Variants in KCTD8 observed in about 807,000 individuals in gnomAD.
KCTD8 encodes the protein potassium channel tetramerization domain containing 8, also known as BTB/POZ domain-containing protein KCTD8.
A neutral mutation model predicts 31.5 loss-of-function variants in KCTD8; 27 were observed. The ratio of observed to expected loss-of-function variants is 0.86; its 90% confidence interval spans 0.63 to 1.18. The LOEUF (loss-of-function observed/expected upper bound fraction) is 1.18. Among genes scored for constraint, KCTD8 ranks in the 50% most tolerant of loss-of-function variants. The probability of loss-of-function intolerance (pLI) is 0.00; values close to 1 mark genes in which losing one functional copy is unlikely to be tolerated. For missense variants in KCTD8, 658 were observed against 647.7 expected, an observed-to-expected ratio of 1.02 and a Z score of -0.17; for synonymous variants, 290 against 280.0, an observed-to-expected ratio of 1.04 and a Z score of -0.36.
intron 1 of KCTD8, among the ~76,000 whole-genome samples, chr4:44,253,031 T>C (rs936261137): frequency 1.3e-5 from 2 of 151,774 alleles, no homozygotes; most frequent in African/African-American, 2.4e-5. Context: ...TTTTTTTTCC[T>C]GAAGGAGATT....
intron 1 of KCTD8, among the ~76,000 whole-genome samples, chr4:44,361,905 C>A (rs560679743): frequency 9.9e-5 from 15 of 152,134 alleles, no homozygotes; most frequent in African/African-American, 3.6e-4. Context: ...TAACTATTAT[C>A]CAAAGCAATA....
At chr4:44,261,411 G>A (rs1347698781) in intron 1 of KCTD8, among the ~76,000 whole-genome samples, 1 of 151,930 alleles carries the variant, frequency 6.6e-6, no homozygotes, top group Non-Finnish European at 1.5e-5. Flanking sequence ...CATGGGGATA[G>A]ATTTGGTCAC....
At chr4:44,274,814 C>T (rs1454037057) in intron 1 of KCTD8, among the ~76,000 whole-genome samples, 1 of 151,402 alleles carries the variant, frequency 6.6e-6, no homozygotes, top group Non-Finnish European at 1.5e-5. Flanking sequence ...TTAGATTGGC[C>T]AGGCAAATTG....
intron 1 of KCTD8, among the ~76,000 whole-genome samples, chr4:44,237,999 TC>T (rs1715341634): frequency 6.6e-6 from 1 of 152,140 alleles, no homozygotes; most frequent in African/African-American, 2.4e-5. Context: ...GAAGCAAACT[TC>T]CACTATATTT....
chr4:44,276,123 G>C (rs1001104772), intron 1 of KCTD8, among the ~76,000 whole-genome samples: 5 of 151,926 alleles, frequency 3.3e-5, no homozygotes, highest in African/African-American at 1.2e-4. Context: ...CAGACACATT[G>C]TCTGCAGACA....
chr4:44,405,808 C>T (rs1720779946), intron 1 of KCTD8, among the ~76,000 whole-genome samples: 1 of 130,754 alleles, frequency 7.6e-6, no homozygotes, highest in Admixed American at 8.1e-5. Context: ...AGGGCCTTGT[C>T]CTGTTTCTCA....
At chr4:44,297,782 C>A (rs1256978074) in intron 1 of KCTD8, among the ~76,000 whole-genome samples, 1 of 152,174 alleles carries the variant, frequency 6.6e-6, no homozygotes, top group African/African-American at 2.4e-5. Context: ...TACTACTCCA[C>A]AATGAATTTG....
At chr4:44,233,429 T>G (rs971464760) in intron 1 of KCTD8, among the ~76,000 whole-genome samples, 2 of 152,196 alleles carry the variant, frequency 1.3e-5, no homozygotes, top group African/African-American at 4.8e-5. Flanking sequence ...TTCATCTCAA[T>G]GATGCATGGT....
At chr4:44,213,024 G>C (rs1460124748) in intron 1 of KCTD8, among the ~76,000 whole-genome samples, 2 of 151,942 alleles carry the variant, frequency 1.3e-5, no homozygotes, top group South Asian at 4.2e-4. Flanking sequence ...TGCAAGCTCC[G>C]CTTCCCCTGT....
intron 1 of KCTD8, among the ~76,000 whole-genome samples, chr4:44,343,994 G>C (rs559447393): frequency 6.6e-6 from 1 of 151,564 alleles, no homozygotes; most frequent in African/African-American, 2.4e-5. Flanking sequence ...AGGTAGCGGG[G>C]ACTACAGGCA....
intron 1 of KCTD8, among the ~76,000 whole-genome samples, chr4:44,354,573 C>A (rs964796630): frequency 2.0e-5 from 3 of 152,116 alleles, no homozygotes; most frequent in Non-Finnish European, 2.9e-5. Flanking sequence ...TTAATACACT[C>A]ATTTTATCAA....
chr4:44,247,925 C>CA (rs1488213933), intron 1 of KCTD8, among the ~76,000 whole-genome samples: 1 of 151,818 alleles, frequency 6.6e-6, no homozygotes. Context: ...GACAGTTCCT[C>CA]AAAAAATTAA....
At chr4:44,244,860 G>A (rs969832319) in intron 1 of KCTD8, among the ~76,000 whole-genome samples, 1 of 129,462 alleles carries the variant, frequency 7.7e-6, no homozygotes, top group Non-Finnish European at 1.7e-5. Context: ...GGGGGGGGGG[G>A]TCTTCATTTT....
intron 1 of KCTD8, among the ~76,000 whole-genome samples, chr4:44,186,156 G>T (rs1577817291): frequency 6.6e-6 from 1 of 152,182 alleles, no homozygotes; most frequent in African/African-American, 2.4e-5. Context: ...AGAACACACT[G>T]GCAGAACAGC....
intron 1 of KCTD8, among the ~76,000 whole-genome samples, chr4:44,240,992 T>A (rs1474240773): frequency 6.6e-6 from 1 of 152,218 alleles, no homozygotes; most frequent in East Asian, 1.9e-4. Flanking sequence ...ACAGATGGTT[T>A]TGAGACCAAA....
intron 1 of KCTD8, among the ~76,000 whole-genome samples, chr4:44,295,755 AAAC>A (rs1717411430): frequency 6.6e-6 from 1 of 152,176 alleles, no homozygotes; most frequent in African/African-American, 2.4e-5. Flanking sequence ...TTCATGAACA[AAAC>A]ACCTCCCAGA....
At chr4:44,441,756 A>T (rs1721815826) in intron 1 of KCTD8, among the ~76,000 whole-genome samples, 1 of 152,228 alleles carries the variant, frequency 6.6e-6, no homozygotes, top group African/African-American at 2.4e-5. Context: ...TGTTATAAGA[A>T]ATAAACAAAG....
intron 1 of KCTD8, among the ~76,000 whole-genome samples, chr4:44,399,647 T>C (rs988421998): frequency 6.6e-6 from 1 of 152,156 alleles, no homozygotes; most frequent in Non-Finnish European, 1.5e-5. Context: ...AGTGAGCATA[T>C]GGCATGGGAA....
At chr4:44,435,766 A>G (rs868388357) in intron 1 of KCTD8, among the ~76,000 whole-genome samples, 2 of 152,074 alleles carry the variant, frequency 1.3e-5, no homozygotes, top group African/African-American at 4.8e-5. Flanking sequence ...GATATGGCAG[A>G]TGTGCCTGCT....
Sources: gnomAD v4.1 joint callset for allele counts (sites outside exome capture counted in the v4.1 genomes callset) on GRCh38, gnomAD v4.1.1 for gene constraint, MANE v1.5 for transcripts, NCBI Gene and HGNC (gene_info 2026-07-23, HGNC 2026-07-21) for gene names.